Variants in RRBP1 observed in about 807,000 individuals in gnomAD.
RRBP1 encodes the protein ribosome-binding protein 1.
A neutral mutation model predicts 165.2 loss-of-function variants in RRBP1; 94 were observed. The observed-to-expected ratio is 0.57, with a 90% CI of 0.48 to 0.68. The LOEUF (loss-of-function observed/expected upper bound fraction) is 0.68. Ranked by LOEUF, RRBP1 falls within the 30% of genes least tolerant of loss-of-function variation. RRBP1 has a pLI of 0.00. For synonymous variants in RRBP1, 680 were observed against 714.5 expected (o/e 0.95, Z 0.77); for missense variants, 1,676 against 1,763.0 (o/e 0.95, Z 0.88).
chr20:17,644,273 T>C (rs1218865277), intron 3 of RRBP1, among the ~76,000 whole-genome samples: 3 of 152,156 alleles, frequency 2.0e-5, no homozygotes, highest in African/African-American at 7.2e-5. Context: ...ATAACCATGT[T>C]GACACCAAAG....
intron 5 of RRBP1, 197 bp downstream of exon 5, chr20:17,641,600 A>C: frequency 1.5e-6 from 1 of 647,478 alleles, no homozygotes; most frequent in Non-Finnish European, 2.7e-6. Flanking sequence ...TAGAGCCACG[A>C]GCACTGCCAA....
chr20:17,627,717 A>G, intron 9 of RRBP1, 35 bp from the exon 10 acceptor site: 1 of 1,550,274 alleles, frequency 6.5e-7, no homozygotes, highest in Non-Finnish European at 8.7e-7. Flanking sequence ...AAGTTAAGAG[A>G]CTGCAAACCC....
In RRBP1 at chr20:17,636,672, G is replaced by C. The variant is rs773132294; in HGVS notation, c.2242C>G (p.Leu748Val). 1 of 1,613,228 alleles carries C rather than the reference G, an allele frequency of 6.2e-7. No homozygotes were observed. Among genetic ancestry groups the C allele is most frequent in the Non-Finnish European group, 8.5e-7 (1 of 1,180,038 alleles). ...GTGATCTCCTGCTCCCGGGCCACCA[G>C]CTGCTTTTTCACTTTGGCCTCCCCG... The part of the protein sequence containing the change: ...AAGEAKVKKQ[L>V]VAREQEITAV... Residue 748 changes from leucine (L) to valine (V), a missense_variant, in exon 6 of 25, where the codon CTG (leucine) becomes GTG (valine). Physicochemically the swap from Leu to Val is conservative, Grantham distance 32 (BLOSUM62 1). This residue lies in a region of RRBP1 where 1,184 missense variants were observed against 1,167.1 expected (regional missense o/e 1.01). Coordinates refer to ENST00000377813, the MANE Select transcript of RRBP1 (RefSeq NM_001365613.2).
chr20:17,624,902 C>T (rs1322643433), intron 12 of RRBP1, among the ~76,000 whole-genome samples: 1 of 152,254 alleles, frequency 6.6e-6, no homozygotes, highest in Admixed American at 6.5e-5. Context: ...AGGTGGCGCC[C>T]TTTCGATAAA....
At position 17,618,739 on chromosome 20, in the gene RRBP1, C is replaced by A. The variant is rs532419404; in HGVS notation, c.3676-60G>T. 11 of 1,322,000 alleles carry A rather than the reference C, an allele frequency of 8.3e-6. No individual in the cohort carries two copies. In the African/African-American group the frequency reaches 1.3e-4, roughly 16 times the overall value. 81.9% of individuals were successfully genotyped at this position (1,322,000 alleles called of 1,614,324 possible). ...AAGGAGAGAAAAGGAGAAAACCAGT[C>A]CCCGTGAGTTAGCGCCGAAACATAA... On this transcript the variant is annotated intron_variant, in intron 19 of 24. Transcript: ENST00000377813.
intron 7 of RRBP1, among the ~76,000 whole-genome samples, chr20:17,635,068 A>G (rs531439949): frequency 7.9e-5 from 12 of 152,134 alleles, no homozygotes; most frequent in Non-Finnish European, 1.6e-4. Context: ...ATGTACAACT[A>G]AAGACACTGC....
chr20:17,618,473 G>A (rs551291459), intron 20 of RRBP1, 123 bp downstream of exon 20: 3 of 822,166 alleles, frequency 3.6e-6, no homozygotes, highest in East Asian at 2.5e-5. Context: ...TGCTCAACGG[G>A]TGACACTGTC....
At chr20:17,673,677 G>A (rs560525177) in intron 2 of RRBP1, among the ~76,000 whole-genome samples, 4 of 152,280 alleles carry the variant, frequency 2.6e-5, no homozygotes, top group South Asian at 2.1e-4. Context: ...CCAAAGTGCT[G>A]GGACTACAGG....
chr20:17,628,175 C>T (rs1380291951), intron 9 of RRBP1, among the ~76,000 whole-genome samples: 2 of 152,264 alleles, frequency 1.3e-5, no homozygotes, highest in African/African-American at 2.4e-5. Context: ...AGGTGTCCTC[C>T]TCCTCAGGTC....
intron 2 of RRBP1, among the ~76,000 whole-genome samples, chr20:17,670,025 T>C (rs1256222338): frequency 6.6e-6 from 1 of 152,202 alleles, no homozygotes; most frequent in Non-Finnish European, 1.5e-5. Flanking sequence ...GGGAAAGATT[T>C]AGGTGTCTCT....
chr20:17,636,541 G>C (rs764335708), intron 6 of RRBP1, 36 bp downstream of exon 6: 1 of 1,602,388 alleles, frequency 6.2e-7, no homozygotes, highest in East Asian at 2.2e-5. Context: ...ACTGGGTCCT[G>C]TCCCTTCCCA....
chr20:17,643,200 C>T lies in RRBP1; in HGVS notation c.1913-73G>A. 6.6e-7 allele frequency: 1 copy of T among 1,516,236 alleles called. No homozygotes were observed. Among genetic ancestry groups the T allele is most frequent in the Non-Finnish European group, 9.0e-7 (1 of 1,115,290 alleles). 93.9% of individuals were successfully genotyped at this position (1,516,236 alleles called of 1,614,324 possible). A position where few individuals can be genotyped will look rare whatever the true frequency, so the allele number is the denominator to read the frequency against. On this transcript the variant is annotated intron_variant, in intron 3 of 24. Coordinates refer to ENST00000377813, the MANE Select transcript of RRBP1 (RefSeq NM_001365613.2). The surrounding 1 kb of genome is among the most constrained non-coding windows in gnomAD (Gnocchi z 4.3). ...ACACACGTGGCCACAATGCCCATCA[C>T]ACCAAGAAGGTTCTGGTCACAGCCA...
chr20:17,614,641 T>G, intron 24 of RRBP1, 96 bp downstream of exon 24: 1 of 1,493,182 alleles, frequency 6.7e-7, no homozygotes, highest in Non-Finnish European at 9.1e-7. Context: ...CCCAGCAGCT[T>G]GACGACTCCG....
At position 17,645,341 on chromosome 20, in the gene RRBP1, G is replaced by A. The variant is rs77924540; in HGVS notation, c.1913-2214C>T. ...TAAATCTTTATTAAAACTTTCTAAC[G>A]TAATTCCATTCTATTAGATATTTTA... is the stretch of plus-strand genomic sequence containing the variant. On this transcript the variant is annotated intron_variant, in intron 3 of 24. Coordinates refer to ENST00000377813, the MANE Select transcript of RRBP1 (RefSeq NM_001365613.2). Among the ~76,000 whole-genome samples the A allele has an allele frequency of 6.4e-3, 979 of 152,280 alleles. 30 individuals carry two copies. The highest frequency in any genetic ancestry group is 0.046 in the Admixed American group (698 of 15,292).
chr20:17,614,369 G>C, intron 24 of RRBP1, 149 bp from the exon 25 acceptor site: 1 of 741,796 alleles, frequency 1.3e-6, no homozygotes, highest in Non-Finnish European at 2.2e-6. Flanking sequence ...CAGACCCCTG[G>C]GGCTGGGGGA....
At chr20:17,615,647 T>C in intron 22 of RRBP1, 118 bp from the exon 23 acceptor site, 1 of 722,618 alleles carries the variant, frequency 1.4e-6, no homozygotes, top group Non-Finnish European at 2.2e-6. Context: ...GAGCAACAGC[T>C]CCATCCTGTA....
intron 9 of RRBP1, among the ~76,000 whole-genome samples, chr20:17,629,538 GCCCTCACAGGCCTTGCCC>G (rs1388425760): frequency 1.3e-5 from 2 of 151,890 alleles, no homozygotes; most frequent in Non-Finnish European, 2.9e-5. Flanking sequence ...CATGCACCAG[GCCCTCACAGGCCTTGCCC>G]CCCACTTCTA....
At chr20:17,653,833 C>CA (rs1299830911) in intron 3 of RRBP1, among the ~76,000 whole-genome samples, 5,512 of 75,340 alleles carry the variant, frequency 0.073, 355 homozygotes, top group East Asian at 0.3. Context: ...GACTCCATCT[C>CA]AAAAAAAAAA....
At chr20:17,642,067 G>A in intron 4 of RRBP1, 148 bp from the exon 5 acceptor site, 1 of 911,590 alleles carries the variant, frequency 1.1e-6, no homozygotes, top group Non-Finnish European at 1.6e-6. Context: ...AGATACTTGT[G>A]GGGAAAGGCG....
Sources: allele counts gnomAD v4.1 joint callset (sites outside exome capture counted in the v4.1 genomes callset), GRCh38; gene constraint gnomAD v4.1.1; regional missense constraint gnomAD v4.1.1; non-coding constraint Gnocchi (gnomAD v3.1); transcripts MANE v1.5; gene names NCBI Gene and HGNC (gene_info 2026-07-23, HGNC 2026-07-21).